MDGA2: variants seen among roughly 807,000 people sequenced by gnomAD.
MDGA2 encodes MAM domain-containing glycosylphosphatidylinositol anchor protein 2.
A neutral mutation model predicts 117.8 loss-of-function variants in MDGA2; 40 were observed. The observed-to-expected ratio is 0.34, with a 90% CI of 0.26 to 0.44. MDGA2 has a LOEUF of 0.44. Among genes scored for constraint, MDGA2 ranks in the 20% least tolerant of loss-of-function variants. The pLI, the probability that MDGA2 is intolerant of heterozygous loss-of-function variation, is 1.00. For synonymous variants in MDGA2, 452 were observed against 439.0 expected, an observed-to-expected ratio of 1.03 and a Z score of -0.37; for missense variants, 1,123 against 1,250.6, an observed-to-expected ratio of 0.90 and a Z score of 1.54.
intron 1 of MDGA2, among the ~76,000 whole-genome samples, chr14:47,502,761 A>C (rs1444224434): frequency 6.6e-6 from 1 of 152,058 alleles, no homozygotes; most frequent in Non-Finnish European, 1.5e-5. Context: ...TGCAGCTTCC[A>C]AACATCTGGA....
chr14:47,070,765 C>A (rs1327033274), intron 6 of MDGA2, among the ~76,000 whole-genome samples: 1 of 152,206 alleles, frequency 6.6e-6, no homozygotes, highest in East Asian at 1.9e-4. Flanking sequence ...GCCATCAAGC[C>A]TAGCTAATTT....
Position 46,847,578 on chromosome 14 carries a change from T to G in MDGA2, c.2884-1707A>C, listed in dbSNP as rs557884722. Among the ~76,000 whole-genome samples the G allele has an allele frequency of 5.3e-5, 8 of 152,088 alleles. No individual in the cohort carries two copies. The South Asian group carries it at 1.2e-3, about 24-fold the overall frequency. The stretch of plus-strand genomic sequence containing the variant: ...GCTTTAAAAAGTCTCAGAAGACTTT[T>G]TAACAGTCCTTTATTTAAAAGGTCT... On this transcript the variant is annotated intron_variant, in intron 15 of 16. Transcript: ENST00000399232.
intron 9 of MDGA2, among the ~76,000 whole-genome samples, chr14:46,922,158 T>A (rs755442635): frequency 4.6e-5 from 7 of 152,144 alleles, no homozygotes; most frequent in Admixed American, 1.3e-4. Context: ...AAAATCAGAA[T>A]AAATGTTAAC....
In MDGA2 at chr14:47,150,445, A is replaced by AT. The variant is rs200472344; in HGVS notation, c.596-6172dup. Among the ~76,000 whole-genome samples the AT allele has an allele frequency of 4.2e-3, 634 of 152,072 alleles. 6 individuals carry two copies. Among genetic ancestry groups the AT allele is most frequent in the African/African-American group, 0.012 (508 of 41,488 alleles). On this transcript the variant is annotated intron_variant, in intron 3 of 16. Coordinates refer to ENST00000399232, the MANE Select transcript of MDGA2 (RefSeq NM_001113498.3). ...GATGATTAATTACACTCAGCCTTTC[A>AT]TTTTTTTTCTCCACTGCGTAAAAGG...
chr14:47,413,393 T>A (rs1380544142), intron 1 of MDGA2, among the ~76,000 whole-genome samples: 1 of 151,992 alleles, frequency 6.6e-6, no homozygotes, highest in Non-Finnish European at 1.5e-5. Flanking sequence ...TAAAAATGGG[T>A]CTCTGTTTTT....
intron 2 of MDGA2, among the ~76,000 whole-genome samples, chr14:47,274,655 G>A (rs1370255655): frequency 6.6e-6 from 1 of 152,098 alleles, no homozygotes; most frequent in Non-Finnish European, 1.5e-5. Context: ...TTCTCAAATA[G>A]TTCTTCAAGG....
chr14:47,157,773 T>A (rs1883458022), intron 3 of MDGA2, among the ~76,000 whole-genome samples: 2 of 152,134 alleles, frequency 1.3e-5, no homozygotes, highest in African/African-American at 4.8e-5. Flanking sequence ...GCTATTCTCG[T>A]GATAATAAGT....
chr14:47,642,095 A>G (rs2138248224), intron 1 of MDGA2, among the ~76,000 whole-genome samples: 1 of 152,188 alleles, frequency 6.6e-6, no homozygotes, highest in East Asian at 1.9e-4. Context: ...TTCTCTCCCT[A>G]GGGGAACTTG....
At position 47,041,017 on chromosome 14, in the gene MDGA2, ACATAAT is replaced by A. The variant is rs1201712005; in HGVS notation, c.1526-5719_1526-5714del. Among the ~76,000 whole-genome samples, 7 of 152,304 alleles carry A rather than the reference ACATAAT, an allele frequency of 4.6e-5. No homozygotes were observed. In the East Asian group the frequency reaches 1.3e-3, roughly 29 times the overall value. ...TCAAAATAATAGATAATAGAGATAA[ACATAAT>A]CAATATGAATCATGTATATTTTGGA... is the stretch of plus-strand genomic sequence containing the variant. On this transcript the variant is annotated intron_variant, in intron 7 of 16. Coordinates refer to ENST00000399232, the MANE Select transcript of MDGA2 (RefSeq NM_001113498.3).
intron 1 of MDGA2, among the ~76,000 whole-genome samples, chr14:47,535,017 A>C (rs1462295475): frequency 6.6e-6 from 1 of 152,144 alleles, no homozygotes; most frequent in Non-Finnish European, 1.5e-5. Flanking sequence ...AAAATTAGAA[A>C]CTGAATTGTG....
At chr14:47,327,885 T>A (rs767936214) in intron 1 of MDGA2, among the ~76,000 whole-genome samples, 5 of 152,158 alleles carry the variant, frequency 3.3e-5, no homozygotes, top group Non-Finnish European at 7.3e-5. Context: ...AGAGTTCACA[T>A]ATTAAGGAAA....
chr14:47,638,927 G>A (rs760668073), intron 1 of MDGA2, among the ~76,000 whole-genome samples: 2 of 152,088 alleles, frequency 1.3e-5, no homozygotes, highest in African/African-American at 2.4e-5. Context: ...CTCTAGTTCT[G>A]TGTAATTTCT....
chr14:47,268,804 T>A (rs777403374), intron 2 of MDGA2, among the ~76,000 whole-genome samples: 1 of 152,236 alleles, frequency 6.6e-6, no homozygotes, highest in Admixed American at 6.5e-5. Flanking sequence ...TAATGAAGCA[T>A]GAATTAATTC....
At chr14:46,842,566 G>A (rs907810212) in intron 16 of MDGA2, among the ~76,000 whole-genome samples, 2 of 152,162 alleles carry the variant, frequency 1.3e-5, no homozygotes, top group Admixed American at 1.3e-4. Flanking sequence ...ACTTTTAGAG[G>A]CATGATGAAG....
intron 1 of MDGA2, among the ~76,000 whole-genome samples, chr14:47,360,993 A>T (rs1891107655): frequency 1.3e-5 from 2 of 152,122 alleles, no homozygotes; most frequent in African/African-American, 4.8e-5. Context: ...TGGGACTAAT[A>T]AGTCTAGAGA....
chr14:47,552,319 C>A (rs980056498), intron 1 of MDGA2, among the ~76,000 whole-genome samples: 1 of 152,182 alleles, frequency 6.6e-6, no homozygotes, highest in African/African-American at 2.4e-5. Flanking sequence ...CAACTGTCTA[C>A]TCAATGACTC....
chr14:47,068,266 A>C (rs1358812610), intron 6 of MDGA2, among the ~76,000 whole-genome samples: 1 of 152,050 alleles, frequency 6.6e-6, no homozygotes, highest in Non-Finnish European at 1.5e-5. Flanking sequence ...TTAGAGAAAG[A>C]AAGGACGTTT....
At chr14:47,111,913 A>G (rs994331934) in intron 5 of MDGA2, among the ~76,000 whole-genome samples, 1 of 152,182 alleles carries the variant, frequency 6.6e-6, no homozygotes, top group Non-Finnish European at 1.5e-5. Flanking sequence ...GATGTTAGTA[A>G]TAAGATGAAG....
intron 1 of MDGA2, among the ~76,000 whole-genome samples, chr14:47,303,132 C>G (rs187303872): frequency 2.2e-4 from 33 of 152,218 alleles, no homozygotes; most frequent in Middle Eastern, 3.4e-3. Flanking sequence ...GTTCAGAGAC[C>G]TGATATATCT....
Sources: allele counts gnomAD v4.1 joint callset (sites outside exome capture counted in the v4.1 genomes callset), GRCh38; gene constraint gnomAD v4.1.1; transcripts MANE v1.5; gene names NCBI Gene and HGNC (gene_info 2026-07-23, HGNC 2026-07-21).